DUOX1: variants seen among roughly 807,000 people sequenced by gnomAD.
DUOX1 encodes dual oxidase 1.
DUOX1 carries 134 observed loss-of-function variants against 181.8 expected under a neutral mutation model. That is an observed-to-expected ratio of 0.74 (90% CI 0.64 to 0.85). The LOEUF is 0.85. Ranked by LOEUF, DUOX1 falls within the 40% of genes least tolerant of loss-of-function variation. The pLI is 0.00. For synonymous variants in DUOX1, 798 were observed against 832.5 expected (o/e 0.96, Z 0.71); for missense variants, 1,814 against 2,064.4 (o/e 0.88, Z 2.35).
intron 14 of DUOX1, among the ~76,000 whole-genome samples, chr15:45,141,654 G>A (rs1896494403): frequency 6.6e-6 from 1 of 152,170 alleles, no homozygotes; most frequent in Non-Finnish European, 1.5e-5. Context: ...AGCTGGTGAG[G>A]AGGTTCACAT....
chr15:45,164,853 C>A lies in DUOX1; in HGVS notation c.4608C>A (p.Ile1536=). 6.2e-7 allele frequency: 1 copy of A among 1,614,000 alleles called. No homozygotes were observed. Among genetic ancestry groups the A allele is most frequent in the East Asian group, 2.2e-5 (1 of 44,872 alleles). Reference sequence around the variant, plus strand: ...ATGTGGAAAAGGCCTGTCAGCTCATCAACAGGCAGGACCGGACTCACTTCT... The same window carrying A: ...ATGTGGAAAAGGCCTGTCAGCTCATAAACAGGCAGGACCGGACTCACTTCT... ...TKNVEKACQL[I]NRQDRTHFSH... is the part of the protein sequence containing the mutation. The change falls in exon 34 of 34, where the codon ATC becomes ATA. Residue 1536 remains isoleucine (I), a synonymous_variant. Transcript: ENST00000389037.
chr15:45,149,604 T>A (rs1896754067), intron 21 of DUOX1, among the ~76,000 whole-genome samples: 1 of 152,212 alleles, frequency 6.6e-6, no homozygotes, highest in African/African-American at 2.4e-5. Context: ...ATCCCAGCAC[T>A]TTGGGAGGCC....
In DUOX1 at chr15:45,161,466, A is replaced by AGGG. The variant is rs1314152345; in HGVS notation, c.3857-272_3857-271insGGG. Among the ~76,000 whole-genome samples, 306 of 114,728 alleles carry AGGG rather than the reference A, an allele frequency of 2.7e-3. 3 individuals are homozygous for AGGG. The highest frequency in any genetic ancestry group is 3.0e-3 in the Non-Finnish European group (149 of 48,888). The allele number at this position is 114,728 out of a possible 152,430, so 75.3% of individuals were successfully genotyped here. ...GGAAGGAGGGAGGGAGGGAGGGAGG[A>AGGG]AGGAAGGAAGGAAAGGAAAGGAGGG... On this transcript the variant is annotated intron_variant, in intron 29 of 33. Transcript: ENST00000389037.
intron 28 of DUOX1, 74 bp downstream of exon 28, chr15:45,156,003 G>A (rs1230702018): frequency 3.2e-6 from 5 of 1,579,878 alleles, no homozygotes; most frequent in Non-Finnish European, 4.3e-6. Context: ...GGAGAGCTGG[G>A]ACATTCATTC....
intron 31 of DUOX1, among the ~76,000 whole-genome samples, chr15:45,162,749 G>A (rs139972849): frequency 3.3e-3 from 508 of 152,380 alleles, no homozygotes; most frequent in Non-Finnish European, 5.7e-3. Flanking sequence ...GGAGAGGGAA[G>A]GGCATGTTGG....
intron 16 of DUOX1, among the ~76,000 whole-genome samples, 188 bp downstream of exon 16, chr15:45,143,491 C>T (rs986556840): frequency 6.6e-6 from 1 of 152,194 alleles, no homozygotes; most frequent in African/African-American, 2.4e-5. Context: ...GTGCAGCAGT[C>T]ATTGGACCTT....
In DUOX1 at chr15:45,144,947, G is replaced by A. The variant is rs756249297; in HGVS notation, c.2189G>A (p.Arg730Gln). 2.7e-5 allele frequency: 44 copies of A among 1,613,560 alleles called. No individual in the cohort carries two copies. In the Admixed American group the frequency reaches 4.5e-4, roughly 17 times the overall value. The change falls in exon 18 of 34, where the codon CGG (arginine) becomes CAG (glutamine). Residue 730 changes from arginine (R) to glutamine (Q), a missense_variant. This residue lies in a region of DUOX1 where 1,064 missense variants were observed against 1,152.9 expected (regional missense o/e 0.92). Transcript: ENST00000389037. Reference protein sequence around the residue: ...EERQALVENLRGALKESGLSI... With the variant: ...EERQALVENLQGALKESGLSI... ...CGGCAGGCGCTGGTGGAAAATCTCC[G>A]GGGAGCTCTGAAGGAGAGCGGGTTG... is the stretch of plus-strand genomic sequence containing the variant.
chr15:45,134,063 T>A (rs1001010793), intron 3 of DUOX1, 82 bp from the exon 4 acceptor site: 1 of 1,551,094 alleles, frequency 6.4e-7, no homozygotes, highest in African/African-American at 1.4e-5. Flanking sequence ...TTAGGATCCA[T>A]GACATGGAGG....
chr15:45,152,460 T>A lies in DUOX1; in HGVS notation c.3368T>A (p.Phe1123Tyr), dbSNP rs921269948. 1 of 1,614,014 alleles carries A rather than the reference T, an allele frequency of 6.2e-7. No individual in the cohort carries two copies. The highest frequency in any genetic ancestry group is 8.5e-7 in the Non-Finnish European group (1 of 1,180,028). ...RETFLNRYVP[F>Y]DAAVDFHRLI... The stretch of plus-strand genomic sequence containing the variant: ...ACCTTCCTCAACCGCTACGTGCCCT[T>A]CGACGCCGCCGTGGACTTCCATCGC... Residue 1123 changes from phenylalanine to tyrosine, a missense_variant, in exon 25 of 34, where the codon TTC (phenylalanine) becomes TAC (tyrosine). This residue lies in a region of DUOX1 where 1,064 missense variants were observed against 1,152.9 expected (regional missense o/e 0.92). Coordinates refer to ENST00000389037, the MANE Select transcript of DUOX1 (RefSeq NM_175940.3).
intron 25 of DUOX1, 113 bp from the exon 26 acceptor site, chr15:45,153,267 T>A: frequency 1.5e-6 from 1 of 654,130 alleles, no homozygotes; most frequent in Non-Finnish European, 2.8e-6. Context: ...TCGAGACTCC[T>A]AAGGTACTTC....
At position 45,145,054 on chromosome 15, in the gene DUOX1, A is replaced by G; in HGVS notation, c.2296A>G (p.Thr766Ala). ...TREQRRHLLETFFRHLFSQVL... is the reference protein window; with the variant it reads ...TREQRRHLLEAFFRHLFSQVL... ...GGAGCAGCGGAGGCACCTCCTGGAG[A>G]CCTTTTTCAGGCACCTTTTCTCCCA... The change falls in exon 18 of 34, where the codon ACC (threonine) becomes GCC (alanine). Residue 766 changes from threonine (T) to alanine (A), a missense_variant. Physicochemically the swap from Thr to Ala is moderately conservative, Grantham distance 58 (BLOSUM62 0). Transcript: ENST00000389037. The G allele has an allele frequency of 6.2e-7, 1 of 1,608,936 alleles. No individual in the cohort carries two copies. Among genetic ancestry groups the G allele is most frequent in the Non-Finnish European group, 8.5e-7 (1 of 1,178,002 alleles).
At chr15:45,151,717 G>A in intron 23 of DUOX1, 157 bp from the exon 24 acceptor site, 1 of 733,030 alleles carries the variant, frequency 1.4e-6, no homozygotes. Flanking sequence ...GCCTGATGCG[G>A]TGAGGTCTGA....
rs368690261 is a variant in DUOX1 at position 45,164,911 on chromosome 15, C to A, written c.*10C>A. The stretch of plus-strand genomic sequence containing the variant: ...TTATGAGAACTTCTAGGCCCCTGCC[C>A]GGGGGTTCTGCCCACTGCCCAGTTG... On this transcript the variant is annotated 3_prime_UTR_variant, in exon 34 of 34. Coordinates refer to ENST00000389037, the MANE Select transcript of DUOX1 (RefSeq NM_175940.3). 3.1e-6 allele frequency: 5 copies of A among 1,613,784 alleles called. No individual in the cohort carries two copies. Among genetic ancestry groups the A allele is most frequent in the Non-Finnish European group, 3.4e-6 (4 of 1,179,742 alleles).
intron 26 of DUOX1, 55 bp downstream of exon 26, chr15:45,153,534 GTGTGTGTGTGTGTA>G (rs749941281): frequency 0.16 from 65,343 of 415,686 alleles, 5,368 homozygotes; most frequent in South Asian, 0.18. Context: ...GTGTGTGTGT[GTGTGTGTGTGTGTA>G]TAATGGGGAG....
intron 28 of DUOX1, among the ~76,000 whole-genome samples, chr15:45,158,700 CAAAAAAAAA>C (rs58522871): frequency 4.3e-5 from 2 of 47,042 alleles, no homozygotes; most frequent in African/African-American, 1.0e-4. Context: ...ACTTCCATCT[CAAAAAAAAA>C]AAAAAAAAAA....
Position 45,135,255 on chromosome 15 carries a change from C to T in DUOX1, c.459C>T (p.Pro153=), listed in dbSNP as rs770275527. ...VLPFQRSRWD[P]ETGRSPSNPR... The stretch of plus-strand genomic sequence containing the variant: ...CCTTCCAGAGAAGCCGCTGGGACCC[C>T]GAGACCGGACGGAGTCCCAGCAATC... Residue 153 remains proline, a synonymous_variant, in exon 5 of 34, where the codon CCC becomes CCT. Transcript: ENST00000389037. 12 of 1,612,692 alleles carry T rather than the reference C, an allele frequency of 7.4e-6. No individual in the cohort carries two copies. Among genetic ancestry groups the T allele is most frequent in the African/African-American group, 5.3e-5 (4 of 74,906 alleles).
At chr15:45,157,591 G>T (rs1706807) in intron 28 of DUOX1, among the ~76,000 whole-genome samples, 64,063 of 151,876 alleles carry the variant, frequency 0.42, 15,404 homozygotes, top group Non-Finnish European at 0.56. Context: ...TGCCGAGGTG[G>T]GTGGATCACC....
Position 45,162,379 on chromosome 15 carries a change from T to C in DUOX1, c.4248+2T>C. On this transcript the variant is annotated splice_donor_variant, in intron 31 of 33. Coordinates refer to ENST00000389037, the MANE Select transcript of DUOX1 (RefSeq NM_175940.3). LOFTEE classifies it high-confidence loss of function. ...AGCTGCCAAGTGTTCTGTAAGAAGG[T>C]GAGTACTGCCCCCACTTCCCACCAA... The C allele has an allele frequency of 3.1e-6, 5 of 1,612,998 alleles. No homozygotes were observed. The highest frequency in any genetic ancestry group is 4.2e-6 in the Non-Finnish European group (5 of 1,179,360).
At chr15:45,151,361 A>T in intron 23 of DUOX1, 113 bp downstream of exon 23, 1 of 1,380,626 alleles carries the variant, frequency 7.2e-7, no homozygotes, top group Non-Finnish European at 9.8e-7. Context: ...AGGCAGGGTG[A>T]ATAGTCCTTG....
Sources: gnomAD v4.1 joint callset for allele counts (sites outside exome capture counted in the v4.1 genomes callset) on GRCh38, gnomAD v4.1.1 for gene constraint, gnomAD v4.1.1 regional missense constraint, MANE v1.5 for transcripts, NCBI Gene and HGNC (gene_info 2026-07-23, HGNC 2026-07-21) for gene names.